GRK5: variants seen among roughly 807,000 people sequenced by gnomAD.
The protein encoded by GRK5 is G protein-coupled receptor kinase 5.
In GRK5, 40 loss-of-function variants were observed where a neutral mutation model predicts 78.4. The ratio of observed to expected loss-of-function variants is 0.51; its 90% confidence interval spans 0.40 to 0.66. The LOEUF (loss-of-function observed/expected upper bound fraction) is 0.66. GRK5 is among the 30% of genes least tolerant of loss of function. The pLI is 0.00. For synonymous variants in GRK5, 289 were observed against 296.8 expected (o/e 0.97, Z 0.27); for missense variants, 598 against 759.9 (o/e 0.79, Z 2.50).
chr10:119,322,589 A>G (rs1419211749), intron 1 of GRK5, among the ~76,000 whole-genome samples: 2 of 152,218 alleles, frequency 1.3e-5, no homozygotes, highest in Non-Finnish European at 2.9e-5. Context: ...CTTAATGAAT[A>G]AATCTATAAG....
At chr10:119,322,142 C>T (rs1350882299) in intron 1 of GRK5, among the ~76,000 whole-genome samples, 5 of 152,156 alleles carry the variant, frequency 3.3e-5, no homozygotes, top group South Asian at 2.1e-4. Context: ...TTAATAGAGA[C>T]GGAGTCTTGC....
At chr10:119,218,899 CTTTT>C (rs59377653) in intron 1 of GRK5, among the ~76,000 whole-genome samples, 2 of 142,246 alleles carry the variant, frequency 1.4e-5, no homozygotes, top group African/African-American at 2.6e-5. Context: ...AAATCTGAAA[CTTTT>C]TTTTTTTTTT....
intron 2 of GRK5, among the ~76,000 whole-genome samples, chr10:119,355,690 G>T (rs1851253482): frequency 6.6e-6 from 1 of 152,222 alleles, no homozygotes; most frequent in Non-Finnish European, 1.5e-5. Flanking sequence ...TGAGGCAGGA[G>T]AATTGCTTGA....
At chr10:119,416,681 C>A (rs1852461199) in intron 4 of GRK5, among the ~76,000 whole-genome samples, 1 of 152,106 alleles carries the variant, frequency 6.6e-6, no homozygotes, top group Non-Finnish European at 1.5e-5. Flanking sequence ...GCAACCTCCG[C>A]CTCCTGGGTT....
At chr10:119,297,895 A>T (rs907068108) in intron 1 of GRK5, among the ~76,000 whole-genome samples, 2 of 152,200 alleles carry the variant, frequency 1.3e-5, no homozygotes. Flanking sequence ...ACTCAATGGA[A>T]ACTTCTTGTT....
chr10:119,236,326 C>T (rs1848927662), intron 1 of GRK5, among the ~76,000 whole-genome samples: 1 of 152,150 alleles, frequency 6.6e-6, no homozygotes, highest in African/African-American at 2.4e-5. Flanking sequence ...CGCCATTCTC[C>T]TGCCTCAGCC....
At chr10:119,301,790 C>T (rs902277714) in intron 1 of GRK5, among the ~76,000 whole-genome samples, 6 of 152,298 alleles carry the variant, frequency 3.9e-5, no homozygotes, top group Non-Finnish European at 7.3e-5. Context: ...AAACACTTAT[C>T]GTGGGTAGCA....
chr10:119,255,275 A>G (rs1849263318), intron 1 of GRK5, among the ~76,000 whole-genome samples: 1 of 152,080 alleles, frequency 6.6e-6, no homozygotes, highest in South Asian at 2.1e-4. Flanking sequence ...TGGATCTCTT[A>G]TTCTCAGGGG....
At chr10:119,344,872 C>CCTT (rs1650149707) in intron 2 of GRK5, among the ~76,000 whole-genome samples, 3 of 73,662 alleles carry the variant, frequency 4.1e-5, no homozygotes, top group African/African-American at 1.7e-4. Context: ...ACAAGACCCA[C>CCTT]CCTTCCTTCC....
intron 4 of GRK5, among the ~76,000 whole-genome samples, chr10:119,405,685 G>A (rs1852226870): frequency 6.6e-6 from 1 of 150,774 alleles, no homozygotes; most frequent in South Asian, 2.1e-4. Flanking sequence ...TGCAACCCCA[G>A]TCCTGCCACT....
rs565002473 is a variant in GRK5, at chr10:119,281,857, C to T, written c.53-44659C>T. Among the ~76,000 whole-genome samples the T allele has an allele frequency of 3.3e-5, 5 of 152,160 alleles. No individual in the cohort carries two copies. In the East Asian group the frequency reaches 5.8e-4, roughly 18 times the overall value. On this transcript the variant is annotated intron_variant, in intron 1 of 15. Coordinates refer to ENST00000392870, the MANE Select transcript of GRK5 (RefSeq NM_005308.3). ...TGCTACTTAGCTTTGTAGATGGATTCGGTAAAGACTAAATCTCTTATTTCT... is the reference window on the plus strand; with the variant it reads ...TGCTACTTAGCTTTGTAGATGGATTTGGTAAAGACTAAATCTCTTATTTCT...
At chr10:119,258,169 T>C (rs891354781) in intron 1 of GRK5, among the ~76,000 whole-genome samples, 4 of 152,214 alleles carry the variant, frequency 2.6e-5, no homozygotes, top group Non-Finnish European at 5.9e-5. Flanking sequence ...CTGCTTTTTG[T>C]CTTTACAAGA....
chr10:119,268,307 G>GT (rs1304581054), intron 1 of GRK5, among the ~76,000 whole-genome samples: 7 of 152,178 alleles, frequency 4.6e-5, no homozygotes, highest in East Asian at 1.9e-4. Flanking sequence ...GTGTTTTTCT[G>GT]TTTTTTTGCA....
At chr10:119,276,840 G>A (rs747014586) in intron 1 of GRK5, among the ~76,000 whole-genome samples, 4 of 152,130 alleles carry the variant, frequency 2.6e-5, no homozygotes, top group African/African-American at 4.8e-5. Context: ...CTGCCACAGC[G>A]GGACCTGAAC....
rs1589751687 is a variant in GRK5 at position 119,336,359 on chromosome 10, G to A, written c.148+9748G>A. Among the ~76,000 whole-genome samples the A allele has an allele frequency of 6.6e-6, 1 of 152,140 alleles. No individual in the cohort carries two copies. The highest frequency in any genetic ancestry group is 2.4e-5 in the African/African-American group (1 of 41,444). The stretch of plus-strand genomic sequence containing the variant: ...TTGAAAGGACGTGTGTCATCTAGAA[G>A]CCTGCAGCCCCGAGTCCTAACAATG... On this transcript the variant is annotated intron_variant, in intron 2 of 15. Transcript: ENST00000392870. The surrounding 1 kb of genome is among the most constrained non-coding windows in gnomAD (Gnocchi z 4.5).
rs761610647 is a variant in GRK5, at chr10:119,453,247, G to A, written c.1645G>A (p.Gly549Arg). The change falls in exon 15 of 16, where the codon GGG becomes AGG. Residue 549 changes from glycine (G) to arginine (R), a missense_variant. Transcript: ENST00000392870. ...CCACCCTCCGGAACCGCCCAAGAAA[G>A]GGCTGCTCCAGAGACTCTTCAAGCG... ...RNHPPEPPKK[G>R]LLQRLFKRQH... The A allele has an allele frequency of 5.0e-5, 81 of 1,613,946 alleles. No homozygotes were observed. Among genetic ancestry groups the A allele is most frequent in the Non-Finnish European group, 6.4e-5 (76 of 1,180,004 alleles).
chr10:119,226,643 C>T (rs1380930856), intron 1 of GRK5, among the ~76,000 whole-genome samples: 1 of 150,564 alleles, frequency 6.6e-6, no homozygotes, highest in East Asian at 2.0e-4. Flanking sequence ...CTCCTGGGTT[C>T]AAGAGATTCC....
At chr10:119,241,938 G>T (rs1849034746) in intron 1 of GRK5, among the ~76,000 whole-genome samples, 1 of 152,134 alleles carries the variant, frequency 6.6e-6, no homozygotes, top group Non-Finnish European at 1.5e-5. Context: ...AGGAGTTTTG[G>T]GCTTCTGGAG....
chr10:119,281,480 G>A (rs1849761185), intron 1 of GRK5, among the ~76,000 whole-genome samples: 1 of 152,146 alleles, frequency 6.6e-6, no homozygotes, highest in African/African-American at 2.4e-5. Context: ...GTTCATTTTG[G>A]CCATGTCTGT....
Sources: allele counts gnomAD v4.1 joint callset (sites outside exome capture counted in the v4.1 genomes callset), GRCh38; gene constraint gnomAD v4.1.1; non-coding constraint Gnocchi (gnomAD v3.1); transcripts MANE v1.5; gene names NCBI Gene and HGNC (gene_info 2026-07-23, HGNC 2026-07-21).